The following ACTR3C variants were observed in gnomAD, a reference collection of about 807,000 sequenced individuals.
The protein encoded by ACTR3C is actin-related protein 3C.
A neutral mutation model predicts 26.3 loss-of-function variants in ACTR3C; 18 were observed. The ratio of observed to expected loss-of-function variants is 0.68; its 90% CI spans 0.47 to 1.01. The LOEUF is 1.01. Among genes scored for constraint, ACTR3C ranks in the 50% least tolerant of loss-of-function variants. The pLI is 0.00. For missense variants in ACTR3C, 184 were observed against 250.7 expected, an observed-to-expected ratio of 0.73 and a Z score of 1.80; for synonymous variants, 55 against 94.5, an observed-to-expected ratio of 0.58 and a Z score of 2.42.
chr7:149,945,076 G>T, the ACTR3C span, among the ~76,000 whole-genome samples: 1 of 151,836 alleles, frequency 6.6e-6, no homozygotes, highest in Non-Finnish European at 1.5e-5. Flanking sequence ...GTTGCCTTAG[G>T]TCAGGTTCCC....
chr7:150,194,104 A>T, the ACTR3C span, among the ~76,000 whole-genome samples: 27,526 of 148,744 alleles, frequency 0.19, 4,308 homozygotes, highest in African/African-American at 0.42. Context: ...GTGGGTTTTT[A>T]AAATTTTTGG....
chr7:150,047,815 T>C, the ACTR3C span: 2 of 1,528,364 alleles, frequency 1.3e-6, no homozygotes, highest in South Asian at 1.2e-5. Flanking sequence ...GACCTCGAGG[T>C]GTTGATCTTG....
the ACTR3C span, among the ~76,000 whole-genome samples, chr7:150,155,264 C>A: frequency 1.4e-4 from 21 of 152,118 alleles, no homozygotes; most frequent in African/African-American, 4.6e-4. Context: ...GAAGCAGCAT[C>A]CTGTTACACT....
At chr7:150,077,935 G>T in the ACTR3C span, among the ~76,000 whole-genome samples, 2 of 152,144 alleles carry the variant, frequency 1.3e-5, no homozygotes, top group African/African-American at 4.8e-5. Context: ...GAGATACAAA[G>T]TCATGATGAA....
At chr7:150,070,779 A>G in the ACTR3C span, among the ~76,000 whole-genome samples, 3 of 146,992 alleles carry the variant, frequency 2.0e-5, no homozygotes, top group Non-Finnish European at 4.5e-5. Context: ...ACATAAGGCA[A>G]TTTTTTTCTT....
the ACTR3C span, among the ~76,000 whole-genome samples, chr7:149,979,260 T>C: frequency 6.6e-6 from 1 of 152,146 alleles, no homozygotes; most frequent in African/African-American, 2.4e-5. Flanking sequence ...CCAGTTATGC[T>C]GAACAATGAA....
the ACTR3C span, among the ~76,000 whole-genome samples, chr7:150,180,575 C>G: frequency 1.3e-3 from 190 of 143,466 alleles, 3 homozygotes; most frequent in Non-Finnish European, 2.0e-3. Flanking sequence ...TGCAGTGGCG[C>G]GGTCTCGGCT....
chr7:150,164,199 G>C, the ACTR3C span, among the ~76,000 whole-genome samples: 11 of 152,172 alleles, frequency 7.2e-5, no homozygotes, highest in Non-Finnish European at 1.5e-4. Context: ...TCTCACAGAC[G>C]TGGAACCCAG....
the ACTR3C span, among the ~76,000 whole-genome samples, chr7:150,194,659 A>G: frequency 6.6e-6 from 1 of 151,088 alleles, no homozygotes; most frequent in Non-Finnish European, 1.5e-5. Context: ...TCTTTTTCTG[A>G]TTTGTGCTTA....
At chr7:150,209,652 G>T in the ACTR3C span, among the ~76,000 whole-genome samples, 675 of 149,212 alleles carry the variant, frequency 4.5e-3, 3 homozygotes, top group African/African-American at 0.016. Flanking sequence ...GCCAAGGCAG[G>T]CAGTTCACCT....
the ACTR3C span, among the ~76,000 whole-genome samples, chr7:149,899,948 T>C: frequency 8.9e-6 from 1 of 112,394 alleles, no homozygotes; most frequent in Non-Finnish European, 1.9e-5. Flanking sequence ...TCATCAGAAA[T>C]CTTGACACAC....
the ACTR3C span, among the ~76,000 whole-genome samples, chr7:150,037,417 A>G: frequency 0.27 from 7,110 of 26,414 alleles, 2,437 homozygotes; most frequent in African/African-American, 0.56. Flanking sequence ...GAGCCAGTGG[A>G]GGAACTAGGG....
At chr7:150,174,611 A>G in the ACTR3C span, among the ~76,000 whole-genome samples, 1 of 139,448 alleles carries the variant, frequency 7.2e-6, no homozygotes, top group Non-Finnish European at 1.5e-5. Context: ...CAAGTCTGTG[A>G]CAAAATTCAA....
chr7:150,043,085 C>T, the ACTR3C span, among the ~76,000 whole-genome samples: 1 of 151,634 alleles, frequency 6.6e-6, no homozygotes, highest in Non-Finnish European at 1.5e-5. Flanking sequence ...CACCTGCCTT[C>T]TGCCCTTAAG....
chr7:150,217,229 T>C, the ACTR3C span, among the ~76,000 whole-genome samples: 11 of 150,598 alleles, frequency 7.3e-5, 1 homozygote, highest in African/African-American at 1.3e-4. Flanking sequence ...AAGCAACTTA[T>C]CCAAAATGAC....
the ACTR3C span, among the ~76,000 whole-genome samples, chr7:150,237,724 C>T: frequency 3.9e-5 from 6 of 151,922 alleles, no homozygotes; most frequent in South Asian, 2.1e-4. Context: ...GGGATACTAG[C>T]GCAGGCCTCG....
chr7:150,199,149 T>C, the ACTR3C span, among the ~76,000 whole-genome samples: 31 of 149,000 alleles, frequency 2.1e-4, no homozygotes, highest in Non-Finnish European at 3.2e-4. Flanking sequence ...CAATGGCGGC[T>C]TTGTGGAATA....
the ACTR3C span, among the ~76,000 whole-genome samples, chr7:149,911,393 G>A: frequency 1.4e-4 from 21 of 151,520 alleles, no homozygotes; most frequent in African/African-American, 3.6e-4. Flanking sequence ...AGTTCCACAC[G>A]CTGCCCAGAA....
chr7:150,287,140 T>TA (rs1171574255), intron 4 of ACTR3C, among the ~76,000 whole-genome samples: 1 of 151,532 alleles, frequency 6.6e-6, no homozygotes, highest in Non-Finnish European at 1.5e-5. Flanking sequence ...CCTTGTTGAC[T>TA]GGGTATTCTA....
Sources: allele counts gnomAD v4.1 joint callset (sites outside exome capture counted in the v4.1 genomes callset), GRCh38; gene constraint gnomAD v4.1.1; transcripts MANE v1.5; gene names NCBI Gene and HGNC (gene_info 2026-07-23, HGNC 2026-07-21).